C17orf113: variants seen among roughly 807,000 people sequenced by gnomAD.
C17orf113 encodes chromosome 17 open reading frame 113.
In C17orf113, 5 loss-of-function variants were observed where a neutral mutation model predicts 11.6. That is an observed-to-expected ratio of 0.43 (90% CI 0.23 to 0.91). The LOEUF is 0.91. C17orf113 is among the 40% of genes least tolerant of loss of function. C17orf113 has a pLI of 0.26. For missense variants in C17orf113, 714 were observed against 841.3 expected (o/e 0.85, Z 1.87); for synonymous variants, 327 against 390.6 (o/e 0.84, Z 1.92).
intron 1 of C17orf113, 65 bp from the exon 2 acceptor site, chr17:42,043,628 A>C (rs1260515862): frequency 3.0e-6 from 1 of 335,668 alleles, no homozygotes; most frequent in East Asian, 4.5e-5. Context: ...TTTAGGGTGG[A>C]GTGGTAGGCT....
In C17orf113 at chr17:42,040,819, T is replaced by G. The variant is rs1205304196; in HGVS notation, c.914A>C (p.Glu305Ala). Residue 305 changes from glutamate to alanine, a missense_variant, in exon 3 of 3, where the codon GAG becomes GCG. This residue lies in a region of C17orf113 where 516 missense variants were observed against 626.6 expected (regional missense o/e 0.82). Transcript: ENST00000587304. ...ATATTGACCCAAGTAGGCCGGGGGC[T>G]CAGGATCTGTCCGGCCAGGGAGACA... ...LHCLPGRTDP[E>A]PPAYLGQYES... is the part of the protein sequence containing the mutation. 9 of 1,232,120 alleles carry G rather than the reference T, an allele frequency of 7.3e-6. No individual in the cohort carries two copies. Among genetic ancestry groups the G allele is most frequent in the Non-Finnish European group, 9.1e-6 (9 of 988,028 alleles). 76.3% of individuals were successfully genotyped at this position (1,232,120 alleles called of 1,614,324 possible). A position where few individuals can be genotyped will look rare whatever the true frequency, so the allele number is the denominator to read the frequency against.
chr17:42,044,289 T>C (rs1430265441), intron 1 of C17orf113, among the ~76,000 whole-genome samples: 2 of 107,810 alleles, frequency 1.9e-5, no homozygotes, highest in Admixed American at 2.4e-4. Flanking sequence ...GACTGGGTAA[T>C]AGAGCTAGAC....
At position 42,043,440 on chromosome 17, in the gene C17orf113, C is replaced by G. The variant is rs868975948; in HGVS notation, c.-64G>C. ...AATGCTCTTGCCCCCCTGCCTCCCC[C>G]ACACACAGGCACCTCCCTTGACAAG... On this transcript the variant is annotated 5_prime_UTR_variant, in exon 2 of 3. Transcript: ENST00000587304. 109 of 1,206,626 alleles carry G rather than the reference C, an allele frequency of 9.0e-5. No homozygotes were observed. In the Middle Eastern group the frequency reaches 9.5e-4, roughly 10 times the overall value. The allele number at this position is 1,206,626 out of a possible 1,614,324, so 74.7% of individuals were successfully genotyped here.
At position 42,040,542 on chromosome 17, in the gene C17orf113, G is replaced by A. The variant is rs1304229336; in HGVS notation, c.1191C>T (p.Phe397=). The change falls in exon 3 of 3, where the codon TTC becomes TTT. Residue 397 remains phenylalanine (F), a synonymous_variant. Transcript: ENST00000587304. The part of the protein sequence containing the change: ...SLALALRQFT[F]VAFTHLLLDA... ...CCAGCAGCAGGTGGGTGAAGGCCACGAAGGTGAACTGGCGCAGGGCCAGGG... is the reference window on the plus strand; with the variant it reads ...CCAGCAGCAGGTGGGTGAAGGCCACAAAGGTGAACTGGCGCAGGGCCAGGG... 9 of 1,232,996 alleles carry A rather than the reference G, an allele frequency of 7.3e-6. No homozygotes were observed. Among genetic ancestry groups the A allele is most frequent in the Admixed American group, 8.4e-5 (2 of 23,730 alleles). The allele number at this position is 1,232,996 out of a possible 1,614,324, so 76.4% of individuals were successfully genotyped here.
At chr17:42,047,631 C>T (rs35847674) in intron 1 of C17orf113, among the ~76,000 whole-genome samples, 109,475 of 151,678 alleles carry the variant, frequency 0.72, 42,101 homozygotes, top group South Asian at 0.85. Context: ...CAGATGCAAT[C>T]GTAACTTCTT....
rs147786292 is a variant in C17orf113, at chr17:42,042,921, G to C, written c.456C>G (p.Leu152=). The change falls in exon 2 of 3, where the codon CTC becomes CTG. Residue 152 remains leucine, a synonymous_variant. Transcript: ENST00000587304. ...GGCACAGGTTGAACCTCTGCAGCTCGAGCAGGGCAGAGCAGCGGTCATTGG... is the reference window on the plus strand; with the variant it reads ...GGCACAGGTTGAACCTCTGCAGCTCCAGCAGGGCAGAGCAGCGGTCATTGG... The part of the protein sequence containing the change: ...DVPNDRCSAL[L]ELQRFNLCQA... 9 of 1,232,262 alleles carry C rather than the reference G, an allele frequency of 7.3e-6. No individual in the cohort carries two copies. In the Middle Eastern group the frequency reaches 2.2e-3, roughly 297 times the overall value. The allele number at this position is 1,232,262 out of a possible 1,614,324, so 76.3% of individuals were successfully genotyped here. A position where few individuals can be genotyped will look rare whatever the true frequency, so the allele number is the denominator to read the frequency against.
At chr17:42,049,488 A>T (rs915284765) in intron 1 of C17orf113, among the ~76,000 whole-genome samples, 1 of 152,232 alleles carries the variant, frequency 6.6e-6, no homozygotes, top group African/African-American at 2.4e-5. Flanking sequence ...GGCAGTGAAT[A>T]AGAAAGAGCA....
chr17:42,040,361 C>T lies in C17orf113; in HGVS notation c.1372G>A (p.Ala458Thr), dbSNP rs2052987536. The change falls in exon 3 of 3, where the codon GCA becomes ACA. Residue 458 changes from alanine to threonine, a missense_variant. Around this residue, in one of 3 missense-constraint regions of C17orf113, gnomAD observed 516 missense variants for 626.6 expected, o/e 0.82. Transcript: ENST00000587304. Reference sequence around the variant, plus strand: ...CTGCTGGCGTCAGGGTCCATGGATGCCAGTTCCTGCAGGAAGCCCTGGAGG... The same window carrying T: ...CTGCTGGCGTCAGGGTCCATGGATGTCAGTTCCTGCAGGAAGCCCTGGAGG... ...ARLQGFLQEL[A>T]SMDPDASSGR... 1.6e-6 allele frequency: 2 copies of T among 1,231,868 alleles called. No homozygotes were observed. Among genetic ancestry groups the T allele is most frequent in the South Asian group, 4.1e-5 (1 of 24,322 alleles). The allele number at this position is 1,231,868 out of a possible 1,614,324, so 76.3% of individuals were successfully genotyped here. A position where few individuals can be genotyped will look rare whatever the true frequency, so the allele number is the denominator to read the frequency against.
Position 42,041,050 on chromosome 17 carries a change from CAG to C in C17orf113, c.681_682del (p.Cys228Ter). ...GAAGGTGGTGGCGGGCTGGCCATCA[CAG>C]GGGGACACTGAAGTGGCAAACAGGG... On this transcript the variant is annotated frameshift_variant, in exon 3 of 3. Coordinates refer to ENST00000587304, the MANE Select transcript of C17orf113 (RefSeq NM_001358661.2). LOFTEE classifies it low-confidence loss of function (END_TRUNC). 1 of 1,232,350 alleles carries C rather than the reference CAG, an allele frequency of 8.1e-7. No homozygotes were observed. Among genetic ancestry groups the C allele is most frequent in the Non-Finnish European group, 1.0e-6 (1 of 988,082 alleles). 76.3% of individuals were successfully genotyped at this position (1,232,350 alleles called of 1,614,324 possible). A position where few individuals can be genotyped will look rare whatever the true frequency, so the allele number is the denominator to read the frequency against.
rs1417242298 is a variant in C17orf113, at chr17:42,042,971, A to G, written c.406T>C (p.Tyr136His). 1 of 1,232,502 alleles carries G rather than the reference A, an allele frequency of 8.1e-7. No individual in the cohort carries two copies. The highest frequency in any genetic ancestry group is 3.2e-5 in the East Asian group (1 of 31,722). The allele number at this position is 1,232,502 out of a possible 1,614,324, so 76.3% of individuals were successfully genotyped here. The change falls in exon 2 of 3, where the codon TAC becomes CAC. Residue 136 changes from tyrosine (Y) to histidine (H), a missense_variant. Tyr to His is a moderately conservative substitution (Grantham distance 83). Coordinates refer to ENST00000587304, the MANE Select transcript of C17orf113 (RefSeq NM_001358661.2). ...PAKVAVLTTV[Y>H]CMAKEDVPND... The stretch of plus-strand genomic sequence containing the variant: ...GGCACATCCTCCTTTGCCATGCAGT[A>G]CACAGTAGTCAGCACAGCCACTTTG...
rs10712120 is a variant in C17orf113, at chr17:42,039,542, TGG to T, written c.*161_*162del. The T allele has an allele frequency of 2.1e-5, 11 of 514,700 alleles. No homozygotes were observed. Among genetic ancestry groups the T allele is most frequent in the Admixed American group, 4.4e-5 (1 of 22,492 alleles). The allele number at this position is 514,700 out of a possible 1,614,324, so 31.9% of individuals were successfully genotyped here. The stretch of plus-strand genomic sequence containing the variant: ...GTCCCTTCCTCCACAGCCCACAGGG[TGG>T]GGGGGGTTGGTGGGAAGCTCCAGAA... On this transcript the variant is annotated 3_prime_UTR_variant, in exon 3 of 3. Coordinates refer to ENST00000587304, the MANE Select transcript of C17orf113 (RefSeq NM_001358661.2).
At chr17:42,042,562 C>T (rs1159865351) in intron 2 of C17orf113, among the ~76,000 whole-genome samples, 1 of 152,080 alleles carries the variant, frequency 6.6e-6, no homozygotes, top group African/African-American at 2.4e-5. Flanking sequence ...GTCAATCAAG[C>T]CTCCAGGCCA....
chr17:42,049,777 C>G (rs2053244861), intron 1 of C17orf113, among the ~76,000 whole-genome samples: 1 of 152,226 alleles, frequency 6.6e-6, no homozygotes, highest in Non-Finnish European at 1.5e-5. Context: ...GGTGGAGATT[C>G]TAAAACGGCT....
Position 42,038,303 on chromosome 17 carries a change from G to A in C17orf113, c.*1402C>T, listed in dbSNP as rs148370131. ...GGGTATTAGGAAAAGGCTAGCCCTC[G>A]CCCCTCTCACTCTCTAACTATCCTC... On this transcript the variant is annotated 3_prime_UTR_variant, in exon 3 of 3. Coordinates refer to ENST00000587304, the MANE Select transcript of C17orf113 (RefSeq NM_001358661.2). 1,098 of 504,378 alleles carry A rather than the reference G, an allele frequency of 2.2e-3. 4 individuals are homozygous for A. The highest frequency in any genetic ancestry group is 6.2e-3 in the Middle Eastern group (12 of 1,950). 31.2% of individuals were successfully genotyped at this position (504,378 alleles called of 1,614,324 possible).
At position 42,040,304 on chromosome 17, in the gene C17orf113, G is replaced by A. The variant is rs2052985149; in HGVS notation, c.1429C>T (p.Leu477Phe). The change falls in exon 3 of 3, where the codon CTC becomes TTC. Residue 477 changes from leucine (L) to phenylalanine (F), a missense_variant. By Grantham distance (22) the Leu-to-Phe change is conservative (BLOSUM62 0). Around this residue, in one of 3 missense-constraint regions of C17orf113, gnomAD observed 516 missense variants for 626.6 expected, o/e 0.82. Coordinates refer to ENST00000587304, the MANE Select transcript of C17orf113 (RefSeq NM_001358661.2). ...GRCTYRGVEL[L>F]GYSEAAVRGL... ...CGGACCGCAGCCTCGGAGTAACCGAGCAGCTCCACGCCGCGGTAGGTGCAG... is the reference window on the plus strand; with the variant it reads ...CGGACCGCAGCCTCGGAGTAACCGAACAGCTCCACGCCGCGGTAGGTGCAG... 1 of 1,231,738 alleles carries A rather than the reference G, an allele frequency of 8.1e-7. No individual in the cohort carries two copies. Among genetic ancestry groups the A allele is most frequent in the Non-Finnish European group, 1.0e-6 (1 of 987,906 alleles). 76.3% of individuals were successfully genotyped at this position (1,231,738 alleles called of 1,614,324 possible). A position where few individuals can be genotyped will look rare whatever the true frequency, so the allele number is the denominator to read the frequency against.
rs891016688 is a variant in C17orf113 at position 42,040,307 on chromosome 17, G to T, written c.1426C>A (p.Leu476Met). The T allele has an allele frequency of 5.7e-6, 7 of 1,231,612 alleles. No individual in the cohort carries two copies. Among genetic ancestry groups the T allele is most frequent in the Non-Finnish European group, 7.1e-6 (7 of 987,904 alleles). The allele number at this position is 1,231,612 out of a possible 1,614,324, so 76.3% of individuals were successfully genotyped here. A position where few individuals can be genotyped will look rare whatever the true frequency, so the allele number is the denominator to read the frequency against. ...ACCGCAGCCTCGGAGTAACCGAGCA[G>T]CTCCACGCCGCGGTAGGTGCAGCGT... ...SGRCTYRGVE[L>M]LGYSEAAVRG... The change falls in exon 3 of 3, where the codon CTG (leucine) becomes ATG (methionine). Residue 476 changes from leucine (L) to methionine (M), a missense_variant. By Grantham distance (15) the Leu-to-Met change is conservative (BLOSUM62 2). Coordinates refer to ENST00000587304, the MANE Select transcript of C17orf113 (RefSeq NM_001358661.2).
rs1555655796 is a variant in C17orf113 at position 42,039,305 on chromosome 17, C to T, written c.*400G>A. 1 of 188,988 alleles carries T rather than the reference C, an allele frequency of 5.3e-6. No individual in the cohort carries two copies. Among genetic ancestry groups the T allele is most frequent in the East Asian group, 1.3e-4 (1 of 7,528 alleles). 11.7% of individuals were successfully genotyped at this position (188,988 alleles called of 1,614,324 possible). A position where few individuals can be genotyped will look rare whatever the true frequency, so the allele number is the denominator to read the frequency against. ...AAAGAAACAGCCAAGGACCAAGGAC[C>T]AGTGTCCGTTCCCTCAGCCACTCAA... On this transcript the variant is annotated 3_prime_UTR_variant, in exon 3 of 3. Transcript: ENST00000587304.
chr17:42,038,632 A>G lies in C17orf113; in HGVS notation c.*1073T>C, dbSNP rs1395142815. ...TCAGAAAAAAAAAAAAATCCAGCCC[A>G]TCTGGGGCTTTTTTCGACCCTGTCA... On this transcript the variant is annotated 3_prime_UTR_variant, in exon 3 of 3. Coordinates refer to ENST00000587304, the MANE Select transcript of C17orf113 (RefSeq NM_001358661.2). The G allele has an allele frequency of 6.6e-6, 1 of 152,318 alleles. No individual in the cohort carries two copies. Among genetic ancestry groups the G allele is most frequent in the Non-Finnish European group, 1.5e-5 (1 of 68,150 alleles). 9.4% of individuals were successfully genotyped at this position (152,318 alleles called of 1,614,324 possible). A position where few individuals can be genotyped will look rare whatever the true frequency, so the allele number is the denominator to read the frequency against.
Position 42,040,235 on chromosome 17 carries a change from T to G in C17orf113, c.1498A>C (p.Lys500Gln), listed in dbSNP as rs1555655978. 1 of 1,231,412 alleles carries G rather than the reference T, an allele frequency of 8.1e-7. No homozygotes were observed. The highest frequency in any genetic ancestry group is 3.2e-5 in the East Asian group (1 of 31,706). The allele number at this position is 1,231,412 out of a possible 1,614,324, so 76.3% of individuals were successfully genotyped here. The change falls in exon 3 of 3, where the codon AAG (lysine) becomes CAG (glutamine). Residue 500 changes from lysine (K) to glutamine (Q), a missense_variant. By Grantham distance (53) the Lys-to-Gln change is moderately conservative. Coordinates refer to ENST00000587304, the MANE Select transcript of C17orf113 (RefSeq NM_001358661.2). ...LRGSFLDSMR[K>Q]GLQDSYPGPS... is the part of the protein sequence containing the mutation. ...CCGGGGTAGGAGTCCTGTAGGCCCTTCCGCATGGAGTCCAGGAAGGATCCC... is the reference window on the plus strand; with the variant it reads ...CCGGGGTAGGAGTCCTGTAGGCCCTGCCGCATGGAGTCCAGGAAGGATCCC...
Sources: gnomAD v4.1 joint callset for allele counts (sites outside exome capture counted in the v4.1 genomes callset) on GRCh38, gnomAD v4.1.1 for gene constraint, gnomAD v4.1.1 regional missense constraint, MANE v1.5 for transcripts, NCBI Gene and HGNC (gene_info 2026-07-23, HGNC 2026-07-21) for gene names.